Variants in SEMA4F observed in about 807,000 individuals in gnomAD.
The protein encoded by SEMA4F is semaphorin-4F.
In SEMA4F, 51 loss-of-function variants were observed where a neutral mutation model predicts 78.4. The observed-to-expected ratio is 0.65, with a 90% CI of 0.52 to 0.82. SEMA4F has a LOEUF of 0.82. SEMA4F is among the 40% of genes least tolerant of loss of function. The probability of loss-of-function intolerance (pLI) is 0.00; values close to 1 mark genes in which losing one functional copy is unlikely to be tolerated. For missense variants in SEMA4F, 938 were observed against 1,014.4 expected (o/e 0.92, Z 1.02); for synonymous variants, 418 against 408.7 (o/e 1.02, Z -0.27).
rs769005419 is a variant in SEMA4F, at chr2:74,680,016, C to T, written c.2120C>T (p.Ser707Phe). ...KVGLDLGAPPSGTTSYSQDPP... is the reference protein window; with the variant it reads ...KVGLDLGAPPFGTTSYSQDPP... ...GGCCTGGACCTGGGGGCTCCACCTT[C>T]TGGGACCACAAGCTACAGCCAAGAC... is the stretch of plus-strand genomic sequence containing the variant. Residue 707 changes from serine to phenylalanine, a missense_variant, in exon 14 of 14, where the codon TCT (serine) becomes TTT (phenylalanine). Coordinates refer to ENST00000357877, the MANE Select transcript of SEMA4F (RefSeq NM_004263.5). 1.2e-6 allele frequency: 2 copies of T among 1,614,082 alleles called. No individual in the cohort carries two copies. The highest frequency in any genetic ancestry group is 2.7e-5 in the African/African-American group (2 of 74,932).
At chr2:74,685,193 T>TA (rs1558742215), downstream of SEMA4F, among the ~76,000 whole-genome samples, 1 of 152,160 alleles carries the variant, frequency 6.6e-6, no homozygotes, top group Admixed American at 6.5e-5. Flanking sequence ...CTGGATATTT[T>TA]AAAAAATACC....
chr2:74,681,988 A>C lies in SEMA4F; in HGVS notation c.*1779A>C, dbSNP rs561724098. On this transcript the variant is annotated 3_prime_UTR_variant, in exon 14 of 14. Coordinates refer to ENST00000357877, the MANE Select transcript of SEMA4F (RefSeq NM_004263.5). ...CTCATCTGCGAAGTGGGGATAATAA[A>C]ACCTACCTCAGGGTTGCTTCAAGGA... 1.3e-5 allele frequency: 2 copies of C among 152,688 alleles called. No homozygotes were observed. The highest frequency in any genetic ancestry group is 3.9e-4 in the East Asian group (2 of 5,176). 9.5% of individuals were successfully genotyped at this position (152,688 alleles called of 1,614,324 possible). A position where few individuals can be genotyped will look rare whatever the true frequency, so the allele number is the denominator to read the frequency against.
At chr2:74,698,451 T>G in the SEMA4F span, among the ~76,000 whole-genome samples, 2 of 152,220 alleles carry the variant, frequency 1.3e-5, no homozygotes, top group South Asian at 4.1e-4. Flanking sequence ...GGAGCTATCC[T>G]TTTCCAGACA....
chr2:74,689,386 G>A, the SEMA4F span, among the ~76,000 whole-genome samples: 1 of 152,156 alleles, frequency 6.6e-6, no homozygotes, highest in African/African-American at 2.4e-5. Context: ...TGGAGAGTGG[G>A]CATTCTATAC....
At chr2:74,690,578 A>T in the SEMA4F span, among the ~76,000 whole-genome samples, 1 of 152,266 alleles carries the variant, frequency 6.6e-6, no homozygotes, top group African/African-American at 2.4e-5. Flanking sequence ...TTACACTTGA[A>T]TATGAAAAAC....
the SEMA4F span, among the ~76,000 whole-genome samples, chr2:74,699,417 A>G: frequency 6.6e-6 from 1 of 152,174 alleles, no homozygotes; most frequent in African/African-American, 2.4e-5. Flanking sequence ...TCCACATGAC[A>G]TGGCTTCAGG....
chr2:74,696,767 C>T, the SEMA4F span, among the ~76,000 whole-genome samples: 6 of 152,110 alleles, frequency 3.9e-5, no homozygotes, highest in African/African-American at 1.4e-4. Flanking sequence ...AAAATGCATT[C>T]TTATTTCCAT....
Position 74,680,278 on chromosome 2 carries a change from C to G in SEMA4F, c.*69C>G. ...GAGTGACCACTGAGATGCTGGGGGT[C>G]ACTGGGCCTGGAAGACCATCCCAGC... On this transcript the variant is annotated 3_prime_UTR_variant, in exon 14 of 14. Coordinates refer to ENST00000357877, the MANE Select transcript of SEMA4F (RefSeq NM_004263.5). 1.3e-6 allele frequency: 2 copies of G among 1,496,770 alleles called. No individual in the cohort carries two copies. The highest frequency in any genetic ancestry group is 4.6e-5 in the East Asian group (2 of 43,672). 92.7% of individuals were successfully genotyped at this position (1,496,770 alleles called of 1,614,324 possible).
At position 74,658,085 on chromosome 2, in the gene SEMA4F, T is replaced by C; in HGVS notation, c.456+134T>C. On this transcript the variant is annotated intron_variant, in intron 4 of 13. Transcript: ENST00000357877. The surrounding 1 kb of genome is among the most constrained non-coding windows in gnomAD (Gnocchi z 4.3). ...GCATGGTCAAGGCAACCATTGTGCA[T>C]GATAAGCATTGGGTGTAGGGGCTGT... The C allele has an allele frequency of 1.3e-6, 1 of 758,432 alleles. No homozygotes were observed. Among genetic ancestry groups the C allele is most frequent in the Non-Finnish European group, 2.3e-6 (1 of 438,910 alleles). 47.0% of individuals were successfully genotyped at this position (758,432 alleles called of 1,614,324 possible). A position where few individuals can be genotyped will look rare whatever the true frequency, so the allele number is the denominator to read the frequency against.
At position 74,665,279 on chromosome 2, in the gene SEMA4F, G is replaced by C. The variant is rs181938716; in HGVS notation, c.550+2454G>C. 3.2e-3 allele frequency among the ~76,000 whole-genome samples: 481 copies of C among 148,122 alleles called. 15 individuals are homozygous for C. Among genetic ancestry groups the C allele is most frequent in the Admixed American group, 0.03 (440 of 14,756 alleles). ...GAGTCTTGATCTCTTGCCCAGGCTG[G>C]AGTGCAGTGGCGCAATCTCCACTCA... is the stretch of plus-strand genomic sequence containing the variant. On this transcript the variant is annotated intron_variant, in intron 5 of 13. Transcript: ENST00000357877.
intron 12 of SEMA4F, 31 bp downstream of exon 12, chr2:74,675,940 C>G (rs770289340): frequency 6.3e-7 from 1 of 1,592,826 alleles, no homozygotes; most frequent in Non-Finnish European, 8.5e-7. Context: ...TTCTTGCTTA[C>G]TGTGCCAGGG....
chr2:74,663,395 C>G (rs1320545793), intron 5 of SEMA4F, among the ~76,000 whole-genome samples: 1 of 152,182 alleles, frequency 6.6e-6, no homozygotes, highest in African/African-American at 2.4e-5. Context: ...TAAAATATCT[C>G]TACTTAGAAA....
At chr2:74,684,138 A>G (rs1685758353), downstream of SEMA4F, among the ~76,000 whole-genome samples, 1 of 151,466 alleles carries the variant, frequency 6.6e-6, no homozygotes. Flanking sequence ...CATCATAATA[A>G]TATAGGTCAT....
In SEMA4F at chr2:74,670,346, C is replaced by T. The variant is rs114755938; in HGVS notation, c.551-3111C>T. 4.0e-3 allele frequency among the ~76,000 whole-genome samples: 609 copies of T among 152,272 alleles called. 3 individuals are homozygous for T. Among genetic ancestry groups the T allele is most frequent in the African/African-American group, 0.014 (581 of 41,558 alleles). On this transcript the variant is annotated intron_variant, in intron 5 of 13. Coordinates refer to ENST00000357877, the MANE Select transcript of SEMA4F (RefSeq NM_004263.5). ...CTGTAAGATGAGCTGCAAGCCCCTT[C>T]GTACTCTTAGGGCACCTGGAGCCCT...
chr2:74,699,168 C>T, the SEMA4F span, among the ~76,000 whole-genome samples: 1 of 152,158 alleles, frequency 6.6e-6, no homozygotes, highest in African/African-American at 2.4e-5. Flanking sequence ...ACTGAGGTAA[C>T]TTACAAGGTA....
rs770835553 is a variant in SEMA4F, at chr2:74,679,384, A to G, written c.1702+50A>G. 2.6e-6 allele frequency: 4 copies of G among 1,524,666 alleles called. No individual in the cohort carries two copies. In the South Asian group the frequency reaches 3.4e-5, roughly 13 times the overall value. The allele number at this position is 1,524,666 out of a possible 1,614,324, so 94.4% of individuals were successfully genotyped here. ...GGAAATGTGGGTGGAGTGGATGGAA[A>G]GGGGCTAGAGAGTTGTTCATTTTGG... On this transcript the variant is annotated intron_variant, in intron 13 of 13. Transcript: ENST00000357877.
chr2:74,673,427 A>G, intron 5 of SEMA4F, 30 bp from the exon 6 acceptor site: 1 of 1,612,788 alleles, frequency 6.2e-7, no homozygotes, highest in Non-Finnish European at 8.5e-7. Flanking sequence ...TGGGTCCCTG[A>G]TAGCCCATCT....
the SEMA4F span, among the ~76,000 whole-genome samples, chr2:74,695,333 C>G: frequency 6.6e-6 from 1 of 152,214 alleles, no homozygotes. Flanking sequence ...GCTTCTCACA[C>G]AATGATCTCC....
At chr2:74,671,204 A>G (rs538472207) in intron 5 of SEMA4F, among the ~76,000 whole-genome samples, 99 of 152,344 alleles carry the variant, frequency 6.5e-4, no homozygotes, top group African/African-American at 2.4e-3. Flanking sequence ...TTATAATTGC[A>G]AATAATGGAA....
Sources: allele counts gnomAD v4.1 joint callset (sites outside exome capture counted in the v4.1 genomes callset), GRCh38; gene constraint gnomAD v4.1.1; non-coding constraint Gnocchi (gnomAD v3.1); transcripts MANE v1.5; gene names NCBI Gene and HGNC (gene_info 2026-07-23, HGNC 2026-07-21).